The following PES1 variants were observed in gnomAD, a reference collection of about 807,000 sequenced individuals.
PES1 encodes pescadillo homolog.
In PES1, 31 loss-of-function variants were observed where a neutral mutation model predicts 77.1. That is an observed-to-expected ratio of 0.40 (90% CI 0.30 to 0.54). The LOEUF (loss-of-function observed/expected upper bound fraction) is 0.54. Among genes scored for constraint, PES1 ranks in the 20% least tolerant of loss-of-function variants. The pLI is 0.45. For missense variants in PES1, 658 were observed against 771.7 expected (o/e 0.85, Z 1.75); for synonymous variants, 282 against 303.0 (o/e 0.93, Z 0.72).
At chr22:30,587,055 C>CG (rs1822237258) in intron 4 of PES1, 1 of 507,518 alleles carries the variant, frequency 2.0e-6, no homozygotes, top group African/African-American at 1.9e-5. Context: ...ATTGTGCTTC[C>CG]GCGGGCTGGC....
intron 4 of PES1, chr22:30,587,067 CA>C (rs1389585732): frequency 1.5e-5 from 8 of 534,600 alleles, no homozygotes; most frequent in Non-Finnish European, 2.7e-5. Flanking sequence ...CGGGCTGGCT[CA>C]AACGTCTCCC....
At chr22:30,590,040 C>T (rs530918012) in intron 1 of PES1, among the ~76,000 whole-genome samples, 1 of 152,318 alleles carries the variant, frequency 6.6e-6, no homozygotes, top group South Asian at 2.1e-4. Context: ...CTCTAAGCCA[C>T]ACAGCTTCTC....
chr22:30,606,763 A>T, intron 1 of PES1: 1 of 715,940 alleles, frequency 1.4e-6, no homozygotes, highest in Non-Finnish European at 1.7e-6. Flanking sequence ...GCCACAACTG[A>T]GGGAGGCGGT....
chr22:30,593,210 G>A (rs2087207931), upstream of PES1, among the ~76,000 whole-genome samples: 1 of 152,136 alleles, frequency 6.6e-6, no homozygotes, highest in Non-Finnish European at 1.5e-5. Flanking sequence ...GATGAAGCCG[G>A]GCACGGTCGC....
intron 14 of PES1, 42 bp from the exon 15 acceptor site, chr22:30,577,171 A>T: frequency 6.5e-7 from 1 of 1,531,680 alleles, no homozygotes; most frequent in Non-Finnish European, 9.0e-7. Flanking sequence ...GTATGTGTAG[A>T]AGGGAGGGTG....
At chr22:30,586,340 C>T (rs1420374151) in intron 4 of PES1, among the ~76,000 whole-genome samples, 1 of 152,172 alleles carries the variant, frequency 6.6e-6, no homozygotes, top group East Asian at 1.9e-4. Flanking sequence ...CACCAGCTGT[C>T]TAGCTCCTAG....
chr22:30,595,406 T>C (rs1161540557), upstream of PES1, among the ~76,000 whole-genome samples: 2 of 151,514 alleles, frequency 1.3e-5, no homozygotes, highest in East Asian at 3.9e-4. Context: ...GGCAAGGTGG[T>C]GCTTGCCTGT....
Position 30,591,850 on chromosome 22 carries a change from G to A in PES1, c.-17C>T. 6.4e-7 allele frequency: 1 copy of A among 1,550,496 alleles called. No individual in the cohort carries two copies. The highest frequency in any genetic ancestry group is 1.9e-5 in the Admixed American group (1 of 51,356). On this transcript the variant is annotated 5_prime_UTR_variant, in exon 1 of 15. Coordinates refer to ENST00000354694, the MANE Select transcript of PES1 (RefSeq NM_014303.4). ...GCCTCCCATCGCTCCACGTTGAGGA[G>A]CCGACTAGGGCCGCGCGTACAGGGA... is the stretch of plus-strand genomic sequence containing the variant.
intron 2 of PES1, among the ~76,000 whole-genome samples, 191 bp from the exon 3 acceptor site, chr22:30,588,365 G>T (rs556441113): frequency 9.6e-4 from 146 of 152,256 alleles, no homozygotes; most frequent in Middle Eastern, 6.8e-3. Flanking sequence ...GTCTCTAGGG[G>T]AGTTAAGAAA....
chr22:30,597,876 A>ATTTTTTT lies in PES1; in HGVS notation c.-660-5479_-660-5478insAAAAAAA, dbSNP rs1210779167. Among the ~76,000 whole-genome samples the ATTTTTTT allele has an allele frequency of 1.5e-3, 187 of 125,116 alleles. 2 individuals carry two copies. Among genetic ancestry groups the ATTTTTTT allele is most frequent in the African/African-American group, 5.5e-3 (179 of 32,388 alleles). The allele number at this position is 125,116 out of a possible 152,430, so 82.1% of individuals were successfully genotyped here. A position where few individuals can be genotyped will look rare whatever the true frequency, so the allele number is the denominator to read the frequency against. The stretch of plus-strand genomic sequence containing the variant: ...CTCGGTTTTTTTTCCACGCAGTTGA[A>ATTTTTTT]GTTTTGTTTTTTTTTTTTTTGTTTT... On this transcript the variant is annotated intron_variant, in intron 2 of 16. Transcript: ENST00000402281.
rs781346992 is a variant in PES1 at position 30,581,068 on chromosome 22, C to T, written c.856G>A (p.Val286Met). The change falls in exon 9 of 15, where the codon GTG becomes ATG. Residue 286 changes from valine to methionine, a missense_variant. By Grantham distance (21) the Val-to-Met change is conservative. Transcript: ENST00000354694. ...TCCTCCTCTGTGGCAGGCACCACCA[C>T]GCGGGCCAGGCTGGCACTGAGGGCT... is the stretch of plus-strand genomic sequence containing the variant. ...LAALSASLAR[V>M]VVPATEEEAE... is the part of the protein sequence containing the mutation. The T allele has an allele frequency of 4.2e-5, 68 of 1,611,354 alleles. No individual in the cohort carries two copies. Among genetic ancestry groups the T allele is most frequent in the African/African-American group, 8.0e-5 (6 of 74,892 alleles).
chr22:30,577,085 C>A lies in PES1; in HGVS notation c.1728G>T (p.Val576=), dbSNP rs1222574868. 2 of 1,614,128 alleles carry A rather than the reference C, an allele frequency of 1.2e-6. No homozygotes were observed. The highest frequency in any genetic ancestry group is 4.5e-5 in the East Asian group (2 of 44,882). Residue 576 remains valine (V), a synonymous_variant, in exon 15 of 15, where the codon GTG becomes GTT. Coordinates refer to ENST00000354694, the MANE Select transcript of PES1 (RefSeq NM_014303.4). ...AEKRKAHDEA[V]RSEKKAKKAR... is the part of the protein sequence containing the mutation. The stretch of plus-strand genomic sequence containing the variant: ...CCTTCTTGGCCTTCTTCTCAGACCT[C>A]ACCGCCTCATCGTGGGCTTTCCGCT...
chr22:30,602,491 C>T (rs1175458006), intron 2 of PES1, among the ~76,000 whole-genome samples: 5 of 147,982 alleles, frequency 3.4e-5, no homozygotes, highest in African/African-American at 7.6e-5. Flanking sequence ...CAACGTGCTG[C>T]GATTACAGGT....
At position 30,588,078 on chromosome 22, in the gene PES1, G is replaced by T. The variant is rs371413795; in HGVS notation, c.201C>A (p.Ile67=). ...GSTAARTFYL[I]KDIRFLLHEP... ...CGTGGAGGAGAAACCTGATGTCTTT[G>T]ATAAGGTAAAACGTTCGGGCTGCTG... The change falls in exon 3 of 15, where the codon ATC becomes ATA. Residue 67 remains isoleucine, a synonymous_variant. Coordinates refer to ENST00000354694, the MANE Select transcript of PES1 (RefSeq NM_014303.4). 4 of 1,614,062 alleles carry T rather than the reference G, an allele frequency of 2.5e-6. No individual in the cohort carries two copies. The African/African-American group carries it at 5.3e-5, about 22-fold the overall frequency.
intron 6 of PES1, among the ~76,000 whole-genome samples, chr22:30,582,622 G>A (rs1350108157): frequency 3.9e-5 from 6 of 152,160 alleles, no homozygotes; most frequent in Non-Finnish European, 5.9e-5. Context: ...TCCGAGCAAC[G>A]TGAAAATCAG....
Position 30,580,188 on chromosome 22 carries a change from C to T in PES1, c.1044-10G>A, listed in dbSNP as rs747814007. 2 of 1,607,828 alleles carry T rather than the reference C, an allele frequency of 1.2e-6. No homozygotes were observed. The highest frequency in any genetic ancestry group is 3.4e-5 in the Admixed American group (2 of 59,330). ...TTCCCCACCAAAACTCCTACAGGGA[C>T]AGGGAGAGCCCACACGGGTACACAG... On this transcript the variant is annotated splice_polypyrimidine_tract_variant and intron_variant, in intron 10 of 14. Coordinates refer to ENST00000354694, the MANE Select transcript of PES1 (RefSeq NM_014303.4).
At position 30,581,185 on chromosome 22, in the gene PES1, C is replaced by T. The variant is rs1602007904; in HGVS notation, c.823-84G>A. 2.2e-6 allele frequency: 3 copies of T among 1,373,716 alleles called. No individual in the cohort carries two copies. The East Asian group carries it at 7.0e-5, about 32-fold the overall frequency. The allele number at this position is 1,373,716 out of a possible 1,614,324, so 85.1% of individuals were successfully genotyped here. A position where few individuals can be genotyped will look rare whatever the true frequency, so the allele number is the denominator to read the frequency against. Reference sequence around the variant, plus strand: ...GTGGGGAGGGGCAGCAGTGACAGTCCTGGGCATCAGCAGGTGTGGGTTCCA... The same window carrying T: ...GTGGGGAGGGGCAGCAGTGACAGTCTTGGGCATCAGCAGGTGTGGGTTCCA... On this transcript the variant is annotated intron_variant, in intron 8 of 14. Transcript: ENST00000354694.
intron 1 of PES1, 49 bp from the exon 2 acceptor site, chr22:30,589,319 G>T: frequency 6.9e-7 from 1 of 1,445,784 alleles, no homozygotes; most frequent in Non-Finnish European, 9.6e-7. Context: ...TGTAGTGACT[G>T]ACATCAAACT....
At chr22:30,581,186 T>A in intron 8 of PES1, 85 bp from the exon 9 acceptor site, 1 of 1,369,370 alleles carries the variant, frequency 7.3e-7, no homozygotes, top group Non-Finnish European at 1.0e-6. Context: ...GTGACAGTCC[T>A]GGGCATCAGC....
Sources: gnomAD v4.1 joint callset for allele counts (sites outside exome capture counted in the v4.1 genomes callset) on GRCh38, gnomAD v4.1.1 for gene constraint, MANE v1.5 for transcripts, NCBI Gene and HGNC (gene_info 2026-07-23, HGNC 2026-07-21) for gene names.